The following CTNNA2 variants were observed in gnomAD, a reference collection of about 807,000 sequenced individuals.
CTNNA2 encodes the protein catenin alpha-2.
CTNNA2 carries 42 observed loss-of-function variants against 101.0 expected under a neutral mutation model. The observed-to-expected ratio is 0.42, with a 90% CI of 0.32 to 0.54. The LOEUF (loss-of-function observed/expected upper bound fraction) is 0.54. CTNNA2 is among the 20% of genes least tolerant of loss of function. The pLI, the probability that CTNNA2 is intolerant of heterozygous loss-of-function variation, is 0.14. For missense variants in CTNNA2, 871 were observed against 1,223.1 expected (o/e 0.71, Z 4.29); for synonymous variants, 450 against 456.4 (o/e 0.99, Z 0.18).
chr2:80,436,259 C>T (rs1379600379), intron 9 of CTNNA2, among the ~76,000 whole-genome samples: 2 of 152,130 alleles, frequency 1.3e-5, no homozygotes, highest in African/African-American at 2.4e-5. Flanking sequence ...TTACAGAAAG[C>T]AAAAGGTCTC....
intron 6 of CTNNA2, among the ~76,000 whole-genome samples, chr2:79,894,352 C>G (rs760924801): frequency 1.3e-5 from 2 of 151,724 alleles, no homozygotes. Context: ...AACTCCTTCC[C>G]TCTGTATTCC....
intron 4 of CTNNA2, among the ~76,000 whole-genome samples, chr2:79,470,281 G>A (rs762923619): frequency 1.3e-5 from 2 of 152,146 alleles, no homozygotes; most frequent in African/African-American, 2.4e-5. Context: ...GGCGGGAGGA[G>A]CATTTGAACC....
intron 7 of CTNNA2, among the ~76,000 whole-genome samples, chr2:80,245,822 T>TTTTTTTTTTTTTTTTTTTTTTTG (rs1558937542): frequency 5.2e-5 from 7 of 135,548 alleles, no homozygotes; most frequent in African/African-American, 2.0e-4. Context: ...TTTTTTTTTT[T>TTTTTTTTTTTTTTTTTTTTTTTG]TGCACTCTGT....
At chr2:80,217,249 A>G (rs966572433) in intron 7 of CTNNA2, among the ~76,000 whole-genome samples, 6 of 152,134 alleles carry the variant, frequency 3.9e-5, no homozygotes, top group African/African-American at 1.4e-4. Context: ...TAAGCAGGCA[A>G]AGCTTAAATT....
chr2:79,976,954 T>C (rs1243821990), intron 7 of CTNNA2, among the ~76,000 whole-genome samples: 3 of 152,184 alleles, frequency 2.0e-5, no homozygotes, highest in Non-Finnish European at 2.9e-5. Context: ...ATGAGACTTG[T>C]TCTCAGAGTT....
rs1453067716 is a variant in CTNNA2, at chr2:79,845,209, A to T, written c.299-12804A>T. 6.8e-5 allele frequency among the ~76,000 whole-genome samples: 8 copies of T among 117,196 alleles called. No homozygotes were observed. The South Asian group carries it at 1.6e-3, about 23-fold the overall frequency. 76.9% of individuals were successfully genotyped at this position (117,196 alleles called of 152,430 possible). On this transcript the variant is annotated intron_variant, in intron 3 of 18. Transcript: ENST00000402739. ...TTTTTTTTTGAATTTCTAAATGTCC[A>T]CTTAGGGGGCATTTCTCTATAGTTG...
intron 1 of CTNNA2, among the ~76,000 whole-genome samples, chr2:79,585,627 T>A (rs896954357): frequency 6.6e-6 from 1 of 152,046 alleles, no homozygotes; most frequent in African/African-American, 2.4e-5. Context: ...GTGATGAGAT[T>A]TTTAGTTTTT....
chr2:79,770,127 T>A (rs1396591014), intron 3 of CTNNA2, among the ~76,000 whole-genome samples: 3 of 152,128 alleles, frequency 2.0e-5, no homozygotes, highest in Non-Finnish European at 4.4e-5. Flanking sequence ...TTCTACCATC[T>A]AGGGGGTAGA....
chr2:80,352,463 T>A (rs192747755), intron 7 of CTNNA2, among the ~76,000 whole-genome samples: 48 of 152,214 alleles, frequency 3.2e-4, no homozygotes, highest in Non-Finnish European at 6.5e-4. Flanking sequence ...CTATAGTTGG[T>A]GATTAGAAAG....
At chr2:79,350,255 T>C (rs1051377098) in intron 3 of CTNNA2, among the ~76,000 whole-genome samples, 2 of 152,038 alleles carry the variant, frequency 1.3e-5, no homozygotes, top group Admixed American at 6.5e-5. Context: ...TTTTATCCAA[T>C]AGGTAATTCT....
intron 2 of CTNNA2, among the ~76,000 whole-genome samples, chr2:79,228,106 T>C (rs572834019): frequency 1.3e-5 from 2 of 152,366 alleles, no homozygotes; most frequent in East Asian, 3.9e-4. Context: ...CGCTGTATTG[T>C]ATTACACGGT....
At chr2:79,828,471 T>C (rs1231185557) in intron 3 of CTNNA2, among the ~76,000 whole-genome samples, 1 of 152,206 alleles carries the variant, frequency 6.6e-6, no homozygotes, top group Non-Finnish European at 1.5e-5. Flanking sequence ...GTAGATAATT[T>C]ACTTTTACTA....
chr2:80,621,630 T>C (rs2149808448), intron 18 of CTNNA2, among the ~76,000 whole-genome samples: 1 of 152,118 alleles, frequency 6.6e-6, no homozygotes, highest in African/African-American at 2.4e-5. Flanking sequence ...TACTAGGTAA[T>C]AGATGTAGCT....
chr2:79,604,762 G>A (rs1677776001), intron 1 of CTNNA2, among the ~76,000 whole-genome samples: 1 of 152,184 alleles, frequency 6.6e-6, no homozygotes, highest in Non-Finnish European at 1.5e-5. Flanking sequence ...AGGAGGTACT[G>A]GAGATAGGAT....
intron 7 of CTNNA2, among the ~76,000 whole-genome samples, chr2:80,193,632 C>T (rs1706661716): frequency 6.6e-6 from 1 of 152,184 alleles, no homozygotes; most frequent in South Asian, 2.1e-4. Flanking sequence ...CTTTCTTGCT[C>T]TGTGTTTTTA....
intron 9 of CTNNA2, among the ~76,000 whole-genome samples, chr2:80,505,175 G>A (rs1202361586): frequency 6.6e-6 from 1 of 152,200 alleles, no homozygotes; most frequent in Non-Finnish European, 1.5e-5. Context: ...GGAACATCAG[G>A]GTTGGCTCAA....
At chr2:80,224,720 A>G (rs899052048) in intron 7 of CTNNA2, among the ~76,000 whole-genome samples, 5 of 152,108 alleles carry the variant, frequency 3.3e-5, no homozygotes, top group Admixed American at 6.5e-5. Context: ...CTGGGATTAC[A>G]GGCATGAGCC....
intron 17 of CTNNA2, among the ~76,000 whole-genome samples, chr2:80,610,284 A>G (rs996070854): frequency 2.0e-5 from 3 of 151,516 alleles, no homozygotes; most frequent in East Asian, 3.9e-4. Context: ...TGGCCAATGG[A>G]GAAAAAAAAT....
At chr2:79,343,782 AT>A (rs1213063871) in intron 3 of CTNNA2, among the ~76,000 whole-genome samples, 1 of 151,518 alleles carries the variant, frequency 6.6e-6, no homozygotes, top group Non-Finnish European at 1.5e-5. Flanking sequence ...TCCTATTGCT[AT>A]TTTGTCCTCA....
Sources: gnomAD v4.1 joint callset for allele counts (sites outside exome capture counted in the v4.1 genomes callset) on GRCh38, gnomAD v4.1.1 for gene constraint, MANE v1.5 for transcripts, NCBI Gene and HGNC (gene_info 2026-07-23, HGNC 2026-07-21) for gene names.